The following PTCHD4 variants were observed in gnomAD, a reference collection of about 807,000 sequenced individuals.
PTCHD4 encodes the protein patched domain containing 4.
Under a neutral mutation model 58.1 loss-of-function variants are expected in PTCHD4, and 33 were observed. That is an observed-to-expected ratio of 0.57 (90% CI 0.43 to 0.76). The LOEUF (loss-of-function observed/expected upper bound fraction) is 0.76, where lower values mean the gene tolerates loss of function less well. Among genes scored for constraint, PTCHD4 ranks in the 30% least tolerant of loss-of-function variants. The probability of loss-of-function intolerance (pLI) is 0.00; values close to 1 mark genes in which losing one functional copy is unlikely to be tolerated. For synonymous variants in PTCHD4, 478 were observed against 409.6 expected (o/e 1.17, Z -2.02); for missense variants, 1,058 against 1,027.1 (o/e 1.03, Z -0.41).
chr6:47,973,041 AT>A (rs1767574319), intron 4 of PTCHD4, among the ~76,000 whole-genome samples: 1 of 151,876 alleles, frequency 6.6e-6, no homozygotes, highest in Non-Finnish European at 1.5e-5. Flanking sequence ...TTCCTCATTT[AT>A]TATTTTTTCT....
At chr6:47,896,043 T>C (rs989438437) in intron 4 of PTCHD4, among the ~76,000 whole-genome samples, 2 of 152,212 alleles carry the variant, frequency 1.3e-5, no homozygotes, top group Non-Finnish European at 2.9e-5. Context: ...AGATGTTTTG[T>C]AGATAAACTT....
intron 4 of PTCHD4, among the ~76,000 whole-genome samples, chr6:47,926,506 A>T (rs1467299621): frequency 6.6e-6 from 1 of 152,172 alleles, no homozygotes; most frequent in Non-Finnish European, 1.5e-5. Flanking sequence ...ATTGTGTTAG[A>T]AATGCAGACT....
intron 4 of PTCHD4, among the ~76,000 whole-genome samples, chr6:47,968,924 C>G (rs997100360): frequency 6.6e-6 from 1 of 152,118 alleles, no homozygotes; most frequent in Non-Finnish European, 1.5e-5. Context: ...TTCTTATTCT[C>G]AATTTGCAGT....
Position 48,026,917 on chromosome 6 carries a change from A to T in PTCHD4, c.418-17803T>A, listed in dbSNP as rs977037366. Among the ~76,000 whole-genome samples the T allele has an allele frequency of 5.4e-5, 8 of 148,540 alleles. No homozygotes were observed. The East Asian group carries it at 9.8e-4, about 18-fold the overall frequency. ...TGAGTACATAACCTCAATTTGTCCC[A>T]TTTTTTTTTTTGGTAAGAAATACAA... On this transcript the variant is annotated intron_variant, in intron 3 of 4. Transcript: ENST00000339488.
At chr6:48,109,525 T>C (rs980060244) in intron 1 of PTCHD4, among the ~76,000 whole-genome samples, 8 of 151,854 alleles carry the variant, frequency 5.3e-5, no homozygotes, top group Non-Finnish European at 7.4e-5. Context: ...CACCAAAATA[T>C]CAGGCAAAAA....
chr6:47,985,799 T>A (rs1006132678), intron 4 of PTCHD4, among the ~76,000 whole-genome samples: 17 of 151,924 alleles, frequency 1.1e-4, no homozygotes, highest in African/African-American at 3.9e-4. Context: ...GGAAAGCTTG[T>A]GGTGGTATGA....
chr6:48,091,829 T>C (rs898396883), intron 1 of PTCHD4, among the ~76,000 whole-genome samples: 11 of 152,068 alleles, frequency 7.2e-5, no homozygotes, highest in African/African-American at 2.7e-4. Flanking sequence ...TTTGTATTTT[T>C]AGTAGAGACG....
chr6:47,990,334 G>A (rs1412781552), intron 4 of PTCHD4, among the ~76,000 whole-genome samples: 4 of 152,126 alleles, frequency 2.6e-5, no homozygotes, highest in African/African-American at 9.7e-5. Flanking sequence ...GGCATGACTG[G>A]TTTTGAAATG....
chr6:48,005,700 A>T (rs1162864849), intron 4 of PTCHD4, among the ~76,000 whole-genome samples: 1 of 152,228 alleles, frequency 6.6e-6, no homozygotes, highest in African/African-American at 2.4e-5. Context: ...TTAGAAGGCA[A>T]CAAAGGAGAC....
At chr6:47,918,608 G>A (rs193072816) in intron 4 of PTCHD4, among the ~76,000 whole-genome samples, 6 of 152,058 alleles carry the variant, frequency 3.9e-5, no homozygotes, top group Admixed American at 1.3e-4. Context: ...ATGCTGTAGC[G>A]GTCATTCATT....
At chr6:47,925,553 C>G (rs764836907) in intron 4 of PTCHD4, among the ~76,000 whole-genome samples, 4 of 152,298 alleles carry the variant, frequency 2.6e-5, no homozygotes, top group South Asian at 4.1e-4. Context: ...GAGGACCTGA[C>G]AGATTTCTTT....
chr6:48,110,630 A>G (rs1254419480), intron 1 of PTCHD4, among the ~76,000 whole-genome samples: 1 of 148,132 alleles, frequency 6.8e-6, no homozygotes, highest in Non-Finnish European at 1.5e-5. Context: ...AGATGGTTTT[A>G]CCACACACAC....
intron 3 of PTCHD4, among the ~76,000 whole-genome samples, chr6:48,020,852 GT>G (rs937756949): frequency 2.2e-4 from 34 of 152,132 alleles, no homozygotes; most frequent in African/African-American, 7.9e-4. Context: ...ACATTGGCTT[GT>G]TTCTGGTATA....
At chr6:47,889,833 CA>C (rs1327645715) in intron 4 of PTCHD4, among the ~76,000 whole-genome samples, 1 of 150,868 alleles carries the variant, frequency 6.6e-6, no homozygotes. Context: ...GCAATGGCAA[CA>C]AAAGACAAAA....
At chr6:48,086,571 A>G (rs1765269886) in intron 1 of PTCHD4, among the ~76,000 whole-genome samples, 1 of 152,116 alleles carries the variant, frequency 6.6e-6, no homozygotes. Flanking sequence ...TTGTGGAGGC[A>G]AAAAGGAGAA....
intron 3 of PTCHD4, among the ~76,000 whole-genome samples, chr6:48,040,907 G>C (rs1441919825): frequency 6.6e-6 from 1 of 152,024 alleles, no homozygotes; most frequent in Non-Finnish European, 1.5e-5. Context: ...TCTCATTTTG[G>C]TGAAGCATGG....
chr6:48,052,186 G>T (rs1008994475), intron 3 of PTCHD4, among the ~76,000 whole-genome samples: 1 of 151,950 alleles, frequency 6.6e-6, no homozygotes, highest in Non-Finnish European at 1.5e-5. Context: ...CACTTAGGAG[G>T]TGCATTAATT....
chr6:48,069,908 A>G lies in PTCHD4; in HGVS notation c.-951T>C, dbSNP rs1027927258. ...GAATTCCAGAAACAGACACTTCCAG[A>G]CACACCAGGTAGTTTTGCCTGAAAA... On this transcript the variant is annotated 5_prime_UTR_variant, in exon 2 of 5. Transcript: ENST00000339488. Among the ~76,000 whole-genome samples, 7 of 151,946 alleles carry G rather than the reference A, an allele frequency of 4.6e-5. No homozygotes were observed. The South Asian group carries it at 1.2e-3, about 27-fold the overall frequency.
intron 1 of PTCHD4, among the ~76,000 whole-genome samples, chr6:48,104,832 A>T (rs899591563): frequency 5.3e-5 from 8 of 152,218 alleles, no homozygotes; most frequent in Non-Finnish European, 1.2e-4. Context: ...CTTTAAACCA[A>T]CAAAGATCAA....
Sources: gnomAD v4.1 joint callset for allele counts (sites outside exome capture counted in the v4.1 genomes callset) on GRCh38, gnomAD v4.1.1 for gene constraint, MANE v1.5 for transcripts, NCBI Gene and HGNC (gene_info 2026-07-23, HGNC 2026-07-21) for gene names.